The following ZFHX3 variants were observed in gnomAD, a reference collection of about 807,000 sequenced individuals.
The protein encoded by ZFHX3 is zinc finger homeobox protein 3.
Under a neutral mutation model 279.1 loss-of-function variants are expected in ZFHX3, and 42 were observed. That is an observed-to-expected ratio of 0.15 (90% CI 0.12 to 0.19). The LOEUF is 0.19. Ranked by LOEUF, ZFHX3 falls within the 10% of genes least tolerant of loss-of-function variation. ZFHX3 has a pLI of 1.00. For missense variants in ZFHX3, 4,981 were observed against 4,754.0 expected (o/e 1.05, Z -1.40); for synonymous variants, 2,293 against 1,957.8 (o/e 1.17, Z -4.52).
chr16:73,043,401 A>C (rs1329590529), intron 1 of ZFHX3, among the ~76,000 whole-genome samples: 2 of 152,208 alleles, frequency 1.3e-5, no homozygotes, highest in Admixed American at 6.5e-5. Context: ...TTGCTTCAAA[A>C]TGGGGCTGAA....
At chr16:73,477,827 AC>A (rs2018790154) in intron 2 of ZFHX3, among the ~76,000 whole-genome samples, 2 of 152,198 alleles carry the variant, frequency 1.3e-5, no homozygotes, top group South Asian at 4.1e-4. Flanking sequence ...CGTCTTTCAA[AC>A]CTGACCACAA....
intron 2 of ZFHX3, among the ~76,000 whole-genome samples, chr16:73,663,405 C>A (rs1270971560): frequency 6.6e-6 from 1 of 152,200 alleles, no homozygotes; most frequent in Non-Finnish European, 1.5e-5. Flanking sequence ...CACTCCCCAC[C>A]CTGCAGGTCT....
At chr16:73,679,479 C>G (rs1318145489) in intron 2 of ZFHX3, 1 of 152,106 alleles carries the variant, frequency 6.6e-6, no homozygotes, top group African/African-American at 2.4e-5. Flanking sequence ...GGTTCTGCGT[C>G]CAACAAAACT....
intron 1 of ZFHX3, among the ~76,000 whole-genome samples, chr16:73,849,921 C>T (rs975699080): frequency 6.6e-6 from 1 of 151,994 alleles, no homozygotes; most frequent in East Asian, 1.9e-4. Context: ...TTAGTAGAGG[C>T]GGGGTTTCAC....
intron 1 of ZFHX3, among the ~76,000 whole-genome samples, chr16:73,867,005 C>A (rs565725473): frequency 3.9e-5 from 6 of 152,028 alleles, no homozygotes; most frequent in Non-Finnish European, 5.9e-5. Flanking sequence ...CATCTCACGT[C>A]GTCTTGTGCT....
intron 4 of ZFHX3, among the ~76,000 whole-genome samples, chr16:72,886,301 A>C (rs1247782565): frequency 2.6e-5 from 4 of 151,942 alleles, no homozygotes; most frequent in Non-Finnish European, 5.9e-5. Flanking sequence ...GAGAGCAAAA[A>C]CATGACTCCA....
At chr16:73,670,377 T>C (rs2052892429) in intron 2 of ZFHX3, among the ~76,000 whole-genome samples, 2 of 152,148 alleles carry the variant, frequency 1.3e-5, no homozygotes, top group Non-Finnish European at 2.9e-5. Context: ...ACGAAATGGC[T>C]CAGGAGGGAA....
chr16:73,199,109 G>A (rs367976554), intron 5 of ZFHX3, among the ~76,000 whole-genome samples: 2 of 152,326 alleles, frequency 1.3e-5, no homozygotes, highest in South Asian at 4.1e-4. Flanking sequence ...TGTGAATTGG[G>A]GGGAAACTTT....
intron 3 of ZFHX3, among the ~76,000 whole-genome samples, chr16:73,360,751 G>A (rs1445671441): frequency 6.6e-6 from 1 of 152,200 alleles, no homozygotes; most frequent in Non-Finnish European, 1.5e-5. Flanking sequence ...ACACTAAATA[G>A]CTACTTAATA....
chr16:73,324,039 A>T (rs145999942), intron 3 of ZFHX3, among the ~76,000 whole-genome samples: 8 of 152,324 alleles, frequency 5.3e-5, no homozygotes, highest in Middle Eastern at 6.8e-3. Context: ...GGTAGAGGCC[A>T]TGGGATTATC....
intron 3 of ZFHX3, among the ~76,000 whole-genome samples, chr16:73,436,180 C>T (rs2017994901): frequency 6.6e-6 from 1 of 152,102 alleles, no homozygotes; most frequent in Non-Finnish European, 1.5e-5. Context: ...AAATAGCTGG[C>T]CATGGTGGCA....
intron 7 of ZFHX3, among the ~76,000 whole-genome samples, chr16:72,801,709 C>T (rs546734766): frequency 2.0e-5 from 3 of 152,320 alleles, no homozygotes; most frequent in Non-Finnish European, 4.4e-5. Context: ...AGCTCATCGG[C>T]AGCTGGTTAA....
chr16:73,870,448 C>A (rs979797987), intron 1 of ZFHX3, among the ~76,000 whole-genome samples: 2 of 152,106 alleles, frequency 1.3e-5, no homozygotes, highest in African/African-American at 4.8e-5. Context: ...AAAACGAGGG[C>A]GGAAGGAGGA....
intron 4 of ZFHX3, among the ~76,000 whole-genome samples, chr16:72,866,290 T>A (rs1423422427): frequency 6.6e-6 from 1 of 152,190 alleles, no homozygotes; most frequent in African/African-American, 2.4e-5. Context: ...AATGACACTT[T>A]ATGTACATTC....
chr16:72,874,704 G>A (rs975378969), intron 4 of ZFHX3, among the ~76,000 whole-genome samples: 4 of 150,684 alleles, frequency 2.7e-5, no homozygotes, highest in Non-Finnish European at 4.4e-5. Context: ...GTGTTGCCCA[G>A]GGTAGACTCA....
At chr16:73,433,772 G>A (rs1205708361) in intron 3 of ZFHX3, among the ~76,000 whole-genome samples, 5 of 152,184 alleles carry the variant, frequency 3.3e-5, no homozygotes, top group Admixed American at 6.5e-5. Context: ...AGCCTGCAGC[G>A]GCAGACAGAG....
chr16:73,384,579 A>G (rs1335765183), intron 3 of ZFHX3, among the ~76,000 whole-genome samples: 1 of 152,248 alleles, frequency 6.6e-6, no homozygotes, highest in Non-Finnish European at 1.5e-5. Context: ...TTGGCCCTGC[A>G]GTATCACATA....
intron 1 of ZFHX3, among the ~76,000 whole-genome samples, chr16:73,030,234 T>C (rs1964648172): frequency 6.6e-6 from 1 of 152,224 alleles, no homozygotes. Context: ...ATAAAATGTA[T>C]GTGACCACCA....
At chr16:72,908,212 C>A (rs1441485515) in intron 3 of ZFHX3, among the ~76,000 whole-genome samples, 1 of 152,110 alleles carries the variant, frequency 6.6e-6, no homozygotes, top group Non-Finnish European at 1.5e-5. Flanking sequence ...GGGATTGACA[C>A]ACAGGAGCCA....
Sources: allele counts gnomAD v4.1 joint callset (sites outside exome capture counted in the v4.1 genomes callset), GRCh38; gene constraint gnomAD v4.1.1; transcripts MANE v1.5; gene names NCBI Gene and HGNC (gene_info 2026-07-23, HGNC 2026-07-21).